PSMD1: variants seen among roughly 807,000 people sequenced by gnomAD.
The protein encoded by PSMD1 is proteasome 26S subunit, non-ATPase 1, also known as 26S proteasome non-ATPase regulatory subunit 1.
A neutral mutation model predicts 119.0 loss-of-function variants in PSMD1; 18 were observed. The observed-to-expected ratio is 0.15, with a 90% confidence interval of 0.10 to 0.22. The LOEUF (loss-of-function observed/expected upper bound fraction) is 0.22. PSMD1 is among the 10% of genes least tolerant of loss of function. The probability of loss-of-function intolerance (pLI) is 1.00; values close to 1 mark genes in which losing one functional copy is unlikely to be tolerated. For synonymous variants in PSMD1, 374 were observed against 396.6 expected, an observed-to-expected ratio of 0.94 and a Z score of 0.68; for missense variants, 702 against 1,158.5, an observed-to-expected ratio of 0.61 and a Z score of 5.72.
chr2:231,164,218 A>AT (rs1696705099), intron 21 of PSMD1, among the ~76,000 whole-genome samples: 1 of 152,136 alleles, frequency 6.6e-6, no homozygotes, highest in Non-Finnish European at 1.5e-5. Context: ...ATACACATGT[A>AT]TTTGTGCACT....
intron 14 of PSMD1, among the ~76,000 whole-genome samples, chr2:231,084,597 TATTA>T (rs1306574437): frequency 1.3e-5 from 2 of 152,076 alleles, no homozygotes; most frequent in African/African-American, 4.8e-5. Flanking sequence ...TTGATAAAAT[TATTA>T]ATTAATTTGT....
Position 231,062,283 on chromosome 2 carries a change from T to G in PSMD1, c.96T>G (p.Asn32Lys). 1 of 1,613,418 alleles carries G rather than the reference T, an allele frequency of 6.2e-7. No individual in the cohort carries two copies. The highest frequency in any genetic ancestry group is 8.5e-7 in the Non-Finnish European group (1 of 1,179,458). Residue 32 changes from asparagine (N) to lysine (K), a missense_variant, in exon 3 of 25, where the codon AAT (asparagine) becomes AAG (lysine). By Grantham distance (94) the Asn-to-Lys change is moderately conservative. Around this residue, in one of 9 missense-constraint regions of PSMD1, gnomAD observed 60 missense variants for 118.2 expected, o/e 0.51. Coordinates refer to ENST00000308696, the MANE Select transcript of PSMD1 (RefSeq NM_002807.4). The part of the protein sequence containing the change: ...FALHKLNAVV[N>K]DFWAEISESV... ...TACACAAATTGAATGCAGTTGTTAA[T>G]GACTTCTGGGCAGAAATTTCCGAGT...
In PSMD1 at chr2:231,083,567, G is replaced by C; in HGVS notation, c.1526G>C (p.Gly509Ala). 1.2e-6 allele frequency: 2 copies of C among 1,614,144 alleles called. No individual in the cohort carries two copies. The highest frequency in any genetic ancestry group is 1.7e-6 in the Non-Finnish European group (2 of 1,180,012). ...TNLYQDDAVTGEAAGLALGLV... is the reference protein window; with the variant it reads ...TNLYQDDAVTAEAAGLALGLV... ...TAACATTTTACTCGTTACTTGCCAG[G>C]GGAAGCAGCTGGCCTGGCCCTAGGT... The change falls in exon 14 of 25, where the codon GGG (glycine) becomes GCG (alanine). Residue 509 changes from glycine to alanine, a missense_variant and splice_region_variant. By Grantham distance (60) the Gly-to-Ala change is moderately conservative. Around this residue, in one of 9 missense-constraint regions of PSMD1, gnomAD observed 272 missense variants for 511.6 expected, o/e 0.53. Transcript: ENST00000308696.
At chr2:231,067,734 G>A (rs1462698251) in intron 5 of PSMD1, among the ~76,000 whole-genome samples, 1 of 151,764 alleles carries the variant, frequency 6.6e-6, no homozygotes. Flanking sequence ...TTGGCTCACT[G>A]AAACCTCTGC....
intron 16 of PSMD1, among the ~76,000 whole-genome samples, chr2:231,136,872 A>T (rs1695976329): frequency 6.7e-6 from 1 of 149,126 alleles, no homozygotes; most frequent in South Asian, 2.1e-4. Flanking sequence ...TTTCTGTGAT[A>T]TTTTTTTCTC....
intron 16 of PSMD1, among the ~76,000 whole-genome samples, chr2:231,106,602 A>G (rs1202630105): frequency 1.3e-5 from 2 of 152,146 alleles, no homozygotes; most frequent in African/African-American, 4.8e-5. Context: ...TGGGTAACAG[A>G]GTGAGAATCT....
intron 15 of PSMD1, among the ~76,000 whole-genome samples, chr2:231,086,668 G>C (rs952965460): frequency 1.3e-5 from 2 of 152,112 alleles, no homozygotes; most frequent in Non-Finnish European, 2.9e-5. Context: ...AAAAGAAAAA[G>C]AGAGAGAAAA....
chr2:231,061,150 G>A (rs1693747377), intron 1 of PSMD1, 117 bp from the exon 2 acceptor site: 2 of 653,984 alleles, frequency 3.1e-6, no homozygotes, highest in South Asian at 3.8e-5. Context: ...TCATTCCCCT[G>A]GAGAAGTTAC....
chr2:231,072,481 G>C, intron 7 of PSMD1, 66 bp downstream of exon 7: 1 of 1,395,274 alleles, frequency 7.2e-7, no homozygotes, highest in Non-Finnish European at 1.0e-6. Context: ...GGGACAGGTA[G>C]AATATTTATA....
intron 16 of PSMD1, among the ~76,000 whole-genome samples, chr2:231,088,222 A>T (rs1694503773): frequency 6.6e-6 from 1 of 152,180 alleles, no homozygotes; most frequent in South Asian, 2.1e-4. Context: ...TAATTGTAGT[A>T]GTTGTAGTTG....
At chr2:231,083,064 A>G in intron 13 of PSMD1, 70 bp downstream of exon 13, 1 of 1,176,738 alleles carries the variant, frequency 8.5e-7, no homozygotes, top group Non-Finnish European at 1.2e-6. Context: ...ATTAGTTTCT[A>G]CCTATATTTT....
In PSMD1 at chr2:231,170,605, G is replaced by GAAGA; in HGVS notation, c.2756_2759dup (p.Asp920GlufsTer4). ...CATCATCATTCTGAAGGATACCAGTGAAGACATTGAGGAGCTGGTGGAACC... is the reference window on the plus strand; with the variant it reads ...CATCATCATTCTGAAGGATACCAGTGAAGAAAGACATTGAGGAGCTGGTGGAACC... On this transcript the variant is annotated frameshift_variant, in exon 24 of 25. Transcript: ENST00000308696. LOFTEE classifies it high-confidence loss of function. This position sits in a 1 kb window ranked among gnomAD's most constrained non-coding sequence, Gnocchi z 4.1. 6.2e-7 allele frequency: 1 copy of GAAGA among 1,614,100 alleles called. No individual in the cohort carries two copies. Among genetic ancestry groups the GAAGA allele is most frequent in the Non-Finnish European group, 8.5e-7 (1 of 1,179,996 alleles).
chr2:231,083,106 AGTTG>A, intron 13 of PSMD1, 112 bp downstream of exon 13: 1 of 833,380 alleles, frequency 1.2e-6, no homozygotes, highest in Non-Finnish European at 1.8e-6. Context: ...GGATTTCTCT[AGTTG>A]AAGAGGAAGT....
intron 7 of PSMD1, among the ~76,000 whole-genome samples, chr2:231,073,062 A>G (rs1424235611): frequency 6.6e-6 from 1 of 151,990 alleles, no homozygotes; most frequent in Non-Finnish European, 1.5e-5. Context: ...CCTAATTTCA[A>G]TATTGTTGTG....
At chr2:231,075,987 ATT>A (rs1694154193) in intron 8 of PSMD1, among the ~76,000 whole-genome samples, 2 of 152,238 alleles carry the variant, frequency 1.3e-5, no homozygotes, top group Non-Finnish European at 2.9e-5. Context: ...ACATGCTTTT[ATT>A]AAAGTTTACT....
rs191896652 is a variant in PSMD1 at position 231,136,098 on chromosome 2, A to T, written c.1884-2638A>T. Among the ~76,000 whole-genome samples the T allele has an allele frequency of 1.8e-3, 273 of 152,288 alleles. 3 individuals carry two copies. Among genetic ancestry groups the T allele is most frequent in the Non-Finnish European group, 3.1e-3 (213 of 68,014 alleles). On this transcript the variant is annotated intron_variant, in intron 16 of 24. Transcript: ENST00000308696. ...ATTCATAACAGGATAGTCTTTTTTTAAAATGCCTTTTTAATAAATAAATGT... is the reference window on the plus strand; with the variant it reads ...ATTCATAACAGGATAGTCTTTTTTTTAAATGCCTTTTTAATAAATAAATGT...
intron 24 of PSMD1, among the ~76,000 whole-genome samples, chr2:231,171,715 C>T (rs1696916308): frequency 6.6e-6 from 1 of 152,064 alleles, no homozygotes; most frequent in South Asian, 2.1e-4. Flanking sequence ...CGCCACCACA[C>T]CCGGCTGATT....
At chr2:231,156,462 G>A (rs1283673516) in intron 19 of PSMD1, among the ~76,000 whole-genome samples, 1 of 151,370 alleles carries the variant, frequency 6.6e-6, no homozygotes, top group Non-Finnish European at 1.5e-5. Flanking sequence ...ATACAAAATA[G>A]TTTCACTACC....
intron 12 of PSMD1, among the ~76,000 whole-genome samples, chr2:231,081,489 T>G (rs986072378): frequency 3.9e-5 from 6 of 152,202 alleles, no homozygotes; most frequent in African/African-American, 1.4e-4. Flanking sequence ...ACTAATGAAA[T>G]AGCCTTTTCA....
Sources: gnomAD v4.1 joint callset for allele counts (sites outside exome capture counted in the v4.1 genomes callset) on GRCh38, gnomAD v4.1.1 for gene constraint, gnomAD v4.1.1 regional missense constraint, Gnocchi (gnomAD v3.1) non-coding constraint, MANE v1.5 for transcripts, NCBI Gene and HGNC (gene_info 2026-07-23, HGNC 2026-07-21) for gene names.